The following TET1 variants were observed in gnomAD, a reference collection of about 807,000 sequenced individuals.
The protein encoded by TET1 is tet methylcytosine dioxygenase 1.
In TET1, 13 loss-of-function variants were observed where a neutral mutation model predicts 148.7. The ratio of observed to expected loss-of-function variants is 0.09; its 90% CI spans 0.06 to 0.14. TET1 has a LOEUF of 0.14. TET1 is among the 10% of genes least tolerant of loss of function. The pLI is 1.00. For synonymous variants in TET1, 907 were observed against 937.2 expected (o/e 0.97, Z 0.59); for missense variants, 2,182 against 2,553.8 (o/e 0.85, Z 3.14).
rs143740100 is a variant in TET1 at position 68,674,459 on chromosome 10, A to G, written c.4824+1414A>G. 7.1e-3 allele frequency: 2,826 copies of G among 397,058 alleles called. 18 individuals are homozygous for G. The highest frequency in any genetic ancestry group is 0.011 in the Non-Finnish European group (2,282 of 208,008). The allele number at this position is 397,058 out of a possible 1,614,324, so 24.6% of individuals were successfully genotyped here. ...ATATAAGAAATATTGGGAAGACACT[A>G]GTCACCAGAACCCAAGGAACCATAA... On this transcript the variant is annotated intron_variant, in intron 8 of 11. Coordinates refer to ENST00000373644, the MANE Select transcript of TET1 (RefSeq NM_030625.3).
chr10:68,595,592 C>T (rs557011617), intron 2 of TET1, among the ~76,000 whole-genome samples: 1 of 140,678 alleles, frequency 7.1e-6, no homozygotes, highest in Non-Finnish European at 1.5e-5. Context: ...GAAGCCACAA[C>T]ACACACACAC....
Position 68,664,260 on chromosome 10 carries a change from T to G in TET1, c.4462-2785T>G, listed in dbSNP as rs369496784. 1.4e-4 allele frequency among the ~76,000 whole-genome samples: 22 copies of G among 151,988 alleles called. No individual in the cohort carries two copies. The East Asian group carries it at 2.9e-3, about 20-fold the overall frequency. ...GCCTATTCAATTTTTTCTGCCAATT[T>G]TCTATGGGGGCAATTCTCTGTATAT... On this transcript the variant is annotated intron_variant, in intron 6 of 11. Transcript: ENST00000373644.
At chr10:68,632,613 T>C (rs544647681) in intron 3 of TET1, 28 of 1,584,860 alleles carry the variant, frequency 1.8e-5, no homozygotes, top group African/African-American at 1.6e-4. Context: ...GGTATAATTA[T>C]GCAAGGCAAA....
intron 3 of TET1, 31 bp downstream of exon 3, chr10:68,601,065 T>C (rs760023192): frequency 1.9e-6 from 3 of 1,570,492 alleles, no homozygotes; most frequent in Non-Finnish European, 2.6e-6. Flanking sequence ...TAATATTTCA[T>C]TATTTTTCCA....
intron 6 of TET1, among the ~76,000 whole-genome samples, chr10:68,661,964 C>A (rs1232892762): frequency 4.7e-5 from 7 of 150,030 alleles, no homozygotes. Context: ...TCACTGCAAC[C>A]TCTGTGGTTC....
At chr10:68,594,682 T>TA (rs565577993) in intron 2 of TET1, among the ~76,000 whole-genome samples, 69 of 152,200 alleles carry the variant, frequency 4.5e-4, no homozygotes, top group African/African-American at 1.5e-3. Context: ...CTAGCTTTTT[T>TA]AAATCTATGA....
chr10:68,627,292 C>T (rs2054498850), intron 3 of TET1, among the ~76,000 whole-genome samples: 1 of 152,064 alleles, frequency 6.6e-6, no homozygotes, highest in South Asian at 2.1e-4. Flanking sequence ...TGCCTGTAAT[C>T]CTAGCTACTC....
chr10:68,617,049 C>A (rs1315459760), intron 3 of TET1, among the ~76,000 whole-genome samples: 4 of 74,758 alleles, frequency 5.4e-5, no homozygotes, highest in South Asian at 1.0e-3. Flanking sequence ...TTTTTTGAGA[C>A]GGAGTCTTGC....
chr10:68,575,121 C>G (rs1385922868), intron 2 of TET1, among the ~76,000 whole-genome samples: 2 of 152,156 alleles, frequency 1.3e-5, no homozygotes, highest in African/African-American at 4.8e-5. Flanking sequence ...TGGTGGCTTA[C>G]GCCTGTAATC....
At chr10:68,638,240 A>G (rs899823375) in intron 3 of TET1, among the ~76,000 whole-genome samples, 1 of 152,174 alleles carries the variant, frequency 6.6e-6, no homozygotes, top group East Asian at 1.9e-4. Flanking sequence ...TGAAGGCACC[A>G]GTGGTTGTCT....
chr10:68,649,378 C>G (rs747446731), intron 4 of TET1, among the ~76,000 whole-genome samples: 1 of 152,040 alleles, frequency 6.6e-6, no homozygotes, highest in Non-Finnish European at 1.5e-5. Flanking sequence ...GAGGCCGAGG[C>G]GGGCAGATCA....
At position 68,691,363 on chromosome 10, in the gene TET1, T is replaced by G. The variant is rs781192453; in HGVS notation, c.5960T>G (p.Leu1987Trp). The G allele has an allele frequency of 6.2e-7, 1 of 1,614,168 alleles. No homozygotes were observed. The highest frequency in any genetic ancestry group is 1.1e-5 in the South Asian group (1 of 91,080). ...DDPLSPAEEKLPHIDEYWSDS... is the reference protein window; with the variant it reads ...DDPLSPAEEKWPHIDEYWSDS... ...CCCCTGTCACCTGCTGAGGAGAAATTGCCCCACATTGATGAGTATTGGTCA... is the reference window on the plus strand; with the variant it reads ...CCCCTGTCACCTGCTGAGGAGAAATGGCCCCACATTGATGAGTATTGGTCA... Residue 1987 changes from leucine (L) to tryptophan (W), a missense_variant, in exon 12 of 12, where the codon TTG becomes TGG. Physicochemically the swap from Leu to Trp is moderately conservative, Grantham distance 61. This residue lies in a region of TET1 where 380 missense variants were observed against 387.9 expected (regional missense o/e 0.98). Coordinates refer to ENST00000373644, the MANE Select transcript of TET1 (RefSeq NM_030625.3). This position sits in a 1 kb window ranked among gnomAD's most constrained non-coding sequence, Gnocchi z 4.4.
intron 2 of TET1, among the ~76,000 whole-genome samples, chr10:68,581,591 C>G (rs1411262967): frequency 6.6e-6 from 1 of 152,096 alleles, no homozygotes; most frequent in African/African-American, 2.4e-5. Context: ...CCTGTAACCC[C>G]ACCACTTTAG....
intron 2 of TET1, among the ~76,000 whole-genome samples, chr10:68,580,325 T>TTG (rs2132810837): frequency 7.6e-6 from 1 of 131,592 alleles, no homozygotes; most frequent in South Asian, 2.7e-4. Context: ...TTTTTTTTTT[T>TTG]TTTTTTTTTT....
intron 3 of TET1, among the ~76,000 whole-genome samples, chr10:68,624,502 TG>T (rs2054424211): frequency 6.6e-6 from 1 of 151,862 alleles, no homozygotes; most frequent in African/African-American, 2.4e-5. Flanking sequence ...TTGGTCAGGC[TG>T]GTCTGGAACT....
At chr10:68,590,374 C>G (rs988315319) in intron 2 of TET1, among the ~76,000 whole-genome samples, 1 of 151,954 alleles carries the variant, frequency 6.6e-6, no homozygotes, top group African/African-American at 2.4e-5. Flanking sequence ...TCAAGCAATC[C>G]TCCTGCCTTG....
chr10:68,623,786 A>G (rs1469652453), intron 3 of TET1, among the ~76,000 whole-genome samples: 1 of 152,214 alleles, frequency 6.6e-6, no homozygotes, highest in Admixed American at 6.5e-5. Context: ...CTCACTTGCA[A>G]GACTCAATAT....
At chr10:68,561,856 A>G (rs918515382) in intron 1 of TET1, among the ~76,000 whole-genome samples, 1 of 152,082 alleles carries the variant, frequency 6.6e-6, no homozygotes, top group African/African-American at 2.4e-5. Context: ...CTGATCCACT[A>G]AAAACTAAAG....
intron 2 of TET1, among the ~76,000 whole-genome samples, chr10:68,586,674 G>A (rs1349830944): frequency 6.6e-6 from 1 of 150,644 alleles, no homozygotes; most frequent in Non-Finnish European, 1.5e-5. Context: ...TTGAAGGAAT[G>A]CAATTGAATA....
Sources: allele counts gnomAD v4.1 joint callset (sites outside exome capture counted in the v4.1 genomes callset), GRCh38; gene constraint gnomAD v4.1.1; regional missense constraint gnomAD v4.1.1; non-coding constraint Gnocchi (gnomAD v3.1); transcripts MANE v1.5; gene names NCBI Gene and HGNC (gene_info 2026-07-23, HGNC 2026-07-21).